The following DIP2B variants were observed in gnomAD, a reference collection of about 807,000 sequenced individuals.
The protein encoded by DIP2B is disco-interacting protein 2 homolog B.
In DIP2B, 76 loss-of-function variants were observed where a neutral mutation model predicts 198.0. The observed-to-expected ratio is 0.38, with a 90% confidence interval of 0.32 to 0.46. The LOEUF (loss-of-function observed/expected upper bound fraction) is 0.46, where lower values mean the gene tolerates loss of function less well. Ranked by LOEUF, DIP2B falls within the 20% of genes least tolerant of loss-of-function variation. The pLI, the probability that DIP2B is intolerant of heterozygous loss-of-function variation, is 0.99. For synonymous variants in DIP2B, 701 were observed against 739.1 expected, an observed-to-expected ratio of 0.95 and a Z score of 0.84; for missense variants, 1,559 against 1,978.4, an observed-to-expected ratio of 0.79 and a Z score of 4.02.
chr12:50,594,361 T>C (rs1593639455), intron 1 of DIP2B, among the ~76,000 whole-genome samples: 1 of 152,202 alleles, frequency 6.6e-6, no homozygotes, highest in African/African-American at 2.4e-5. Flanking sequence ...ATGACATCTT[T>C]AGCTATTTTC....
At chr12:50,727,875 A>T in intron 29 of DIP2B, 63 bp downstream of exon 29, 1 of 1,422,062 alleles carries the variant, frequency 7.0e-7, no homozygotes, top group South Asian at 1.2e-5. Context: ...CTGCCCCAGA[A>T]ACTATAGATG....
intron 21 of DIP2B, among the ~76,000 whole-genome samples, 196 bp downstream of exon 21, chr12:50,706,861 T>C (rs769689966): frequency 7.2e-5 from 11 of 152,178 alleles, no homozygotes; most frequent in Admixed American, 2.0e-4. Context: ...TTACAACATC[T>C]GGTGCTTCAG....
chr12:50,579,611 CAAAAAAAAAAAAAAAAAAA>C (rs1160480924), intron 1 of DIP2B, among the ~76,000 whole-genome samples: 9 of 6,884 alleles, frequency 1.3e-3, no homozygotes, highest in African/African-American at 4.8e-3. Flanking sequence ...GACTCCGTCT[CAAAAAAAAAAAAAAAAAAA>C]AAAAAAAAAA....
At chr12:50,688,869 G>A (rs982677119) in intron 12 of DIP2B, among the ~76,000 whole-genome samples, 1 of 152,236 alleles carries the variant, frequency 6.6e-6, no homozygotes, top group Non-Finnish European at 1.5e-5. Flanking sequence ...CCTCCATTGT[G>A]TGGCTCTTGC....
chr12:50,563,114 G>A lies in DIP2B; in HGVS notation c.100+57874G>A, dbSNP rs141500380. On this transcript the variant is annotated intron_variant, in intron 1 of 37. Transcript: ENST00000301180. The stretch of plus-strand genomic sequence containing the variant: ...TGTTCATCAGTTTTCATTTGTTTGA[G>A]TCATTTGGGAGCTGCTGGTTATCTA... Among the ~76,000 whole-genome samples the A allele has an allele frequency of 2.9e-3, 436 of 152,282 alleles. 2 individuals are homozygous for A. The highest frequency in any genetic ancestry group is 9.7e-3 in the African/African-American group (402 of 41,562).
At chr12:50,629,635 A>G (rs1337598992) in intron 2 of DIP2B, among the ~76,000 whole-genome samples, 4 of 152,176 alleles carry the variant, frequency 2.6e-5, no homozygotes. Context: ...TGCATACTTA[A>G]CATCTCCACT....
chr12:50,602,339 G>A (rs1333746724), intron 1 of DIP2B, among the ~76,000 whole-genome samples: 2 of 152,038 alleles, frequency 1.3e-5, no homozygotes, highest in East Asian at 3.9e-4. Flanking sequence ...TGTGATCTTG[G>A]CTCACTGCAG....
At chr12:50,522,005 A>T (rs973111422) in intron 1 of DIP2B, among the ~76,000 whole-genome samples, 2 of 150,122 alleles carry the variant, frequency 1.3e-5, no homozygotes, top group Admixed American at 1.3e-4. Flanking sequence ...TGTATATTTT[A>T]TTATTATTTT....
In DIP2B at chr12:50,680,748, A is replaced by G; in HGVS notation, c.1191A>G (p.Leu397=). The change falls in exon 9 of 38, where the codon TTA becomes TTG. Residue 397 remains leucine (L), a synonymous_variant. Transcript: ENST00000301180. ...NKLGTKNEPV[L]KPGDRVALVY... ...TGGGGACCAAAAATGAACCTGTGTT[A>G]AAACCTGGAGACAGGGTAATTGGTG... The G allele has an allele frequency of 6.2e-7, 1 of 1,613,972 alleles. No homozygotes were observed. The highest frequency in any genetic ancestry group is 8.5e-7 in the Non-Finnish European group (1 of 1,179,920).
chr12:50,635,151 G>A (rs1163144724), intron 2 of DIP2B, among the ~76,000 whole-genome samples: 1 of 152,168 alleles, frequency 6.6e-6, no homozygotes, highest in African/African-American at 2.4e-5. Context: ...AAAAGGAGAG[G>A]CAGGATACTG....
At position 50,666,208 on chromosome 12, in the gene DIP2B, T is replaced by G. The variant is rs185946398; in HGVS notation, c.428-4978T>G. ...TTGTTTCAATACCTGATTGTAAAAT[T>G]TAAGGTTTGCTGATAAGAGTAATGT... On this transcript the variant is annotated intron_variant, in intron 4 of 37. Transcript: ENST00000301180. Among the ~76,000 whole-genome samples the G allele has an allele frequency of 7.2e-5, 11 of 152,298 alleles. No homozygotes were observed. The East Asian group carries it at 2.1e-3, about 29-fold the overall frequency.
chr12:50,708,091 G>T (rs1939547097), intron 21 of DIP2B, among the ~76,000 whole-genome samples: 2 of 151,982 alleles, frequency 1.3e-5, no homozygotes, highest in South Asian at 2.1e-4. Flanking sequence ...CGCCCCCCGA[G>T]CCACCCTGCC....
In DIP2B at chr12:50,583,862, C is replaced by G. The variant is rs912392773; in HGVS notation, c.101-42114C>G. On this transcript the variant is annotated intron_variant, in intron 1 of 37. Coordinates refer to ENST00000301180, the MANE Select transcript of DIP2B (RefSeq NM_173602.3). ...CTCTTGGAAGAGTTGTCTACTCTTT[C>G]TTCCATTTCTTCTCTTCCAGTTTCT... 9.7e-4 allele frequency among the ~76,000 whole-genome samples: 147 copies of G among 152,144 alleles called. 1 individual carries two copies. The highest frequency in any genetic ancestry group is 9.6e-3 in the Admixed American group (147 of 15,264).
intron 19 of DIP2B, among the ~76,000 whole-genome samples, chr12:50,703,846 G>A (rs1939464804): frequency 6.7e-6 from 1 of 149,592 alleles, no homozygotes; most frequent in African/African-American, 2.5e-5. Flanking sequence ...TCGTGGAAAA[G>A]CAAGTTGCAA....
intron 35 of DIP2B, 45 bp downstream of exon 35, chr12:50,737,155 A>G: frequency 6.4e-7 from 1 of 1,553,472 alleles, no homozygotes; most frequent in Non-Finnish European, 8.9e-7. Flanking sequence ...CAGCAGTAAA[A>G]ATCTCTAGGG....
rs749036005 is a variant in DIP2B at position 50,698,394 on chromosome 12, G to A, written c.2115G>A (p.Gly705=). 2.2e-5 allele frequency: 35 copies of A among 1,613,910 alleles called. No individual in the cohort carries two copies. Among genetic ancestry groups the A allele is most frequent in the Non-Finnish European group, 2.8e-5 (33 of 1,179,970 alleles). The change falls in exon 18 of 38, where the codon GGG becomes GGA. Residue 705 remains glycine (G), a synonymous_variant. Coordinates refer to ENST00000301180, the MANE Select transcript of DIP2B (RefSeq NM_173602.3). ...TCTCAATGAATGGATTGAGCTATGG[G>A]GTAATACGGGTCAATACTGAAGATA... ...AILSMNGLSY[G]VIRVNTEDKN...
chr12:50,659,315 A>G (rs1230875879), intron 3 of DIP2B, among the ~76,000 whole-genome samples: 1 of 152,098 alleles, frequency 6.6e-6, no homozygotes, highest in African/African-American at 2.4e-5. Context: ...AGAGGATCTC[A>G]TTGGTCTAGC....
In DIP2B at chr12:50,620,987, G is replaced by A. The variant is rs555458119; in HGVS notation, c.101-4989G>A. Among the ~76,000 whole-genome samples, 160 of 152,310 alleles carry A rather than the reference G, an allele frequency of 1.1e-3. 1 individual carries two copies. The highest frequency in any genetic ancestry group is 3.6e-3 in the African/African-American group (148 of 41,568). ...ATGCTTGTTAGAAGTAGAGATTTCT[G>A]GATCTTAATCCAGACTTAGTGCATC... On this transcript the variant is annotated intron_variant, in intron 1 of 37. Transcript: ENST00000301180.
At chr12:50,575,164 T>A (rs1958647950) in intron 1 of DIP2B, among the ~76,000 whole-genome samples, 1 of 152,156 alleles carries the variant, frequency 6.6e-6, no homozygotes, top group South Asian at 2.1e-4. Flanking sequence ...TTACCAGATC[T>A]CTGTCTCCAA....
Sources: gnomAD v4.1 joint callset for allele counts (sites outside exome capture counted in the v4.1 genomes callset) on GRCh38, gnomAD v4.1.1 for gene constraint, MANE v1.5 for transcripts, NCBI Gene and HGNC (gene_info 2026-07-23, HGNC 2026-07-21) for gene names.